Variants in ARHGAP6 observed in about 807,000 individuals in gnomAD.
ARHGAP6 encodes the protein rho GTPase-activating protein 6.
In ARHGAP6, 16 loss-of-function variants were observed where a neutral mutation model predicts 55.7. The ratio of observed to expected loss-of-function variants is 0.29; its 90% CI spans 0.19 to 0.44. The LOEUF (loss-of-function observed/expected upper bound fraction) is 0.44. ARHGAP6 is among the 20% of genes least tolerant of loss of function. The probability of loss-of-function intolerance (pLI) is 1.00; values close to 1 mark genes in which losing one functional copy is unlikely to be tolerated. For synonymous variants in ARHGAP6, 382 were observed against 360.9 expected (o/e 1.06, Z -0.66); for missense variants, 698 against 808.9 (o/e 0.86, Z 1.66).
chrX:11,485,037 CA>C (rs375351477), intron 1 of ARHGAP6, among the ~76,000 whole-genome samples: 18 of 105,545 alleles, frequency 1.7e-4, no homozygotes, highest in Non-Finnish European at 2.6e-4. Context: ...ACAACAACAA[CA>C]AAAAAAAAAC....
At chrX:11,639,919 C>T (rs2052457159) in intron 1 of ARHGAP6, among the ~76,000 whole-genome samples, 1 of 111,126 alleles carries the variant, frequency 9.0e-6, no homozygotes, top group Non-Finnish European at 1.9e-5. Flanking sequence ...TAAAAGCCTC[C>T]TTTCAAGCTT....
intron 1 of ARHGAP6, among the ~76,000 whole-genome samples, chrX:11,592,059 A>G (rs2051842047): frequency 8.9e-6 from 1 of 111,857 alleles, no homozygotes; most frequent in Non-Finnish European, 1.9e-5. Context: ...AAATAGGAGC[A>G]TGAGAAAGGG....
chrX:11,528,600 TGCTTTGAAA>T (rs1336242344), intron 1 of ARHGAP6, among the ~76,000 whole-genome samples: 7 of 112,198 alleles, frequency 6.2e-5, no homozygotes, highest in Non-Finnish European at 1.3e-4. Flanking sequence ...ATTCTTTGAA[TGCTTTGAAA>T]AGACCACAAT....
At chrX:11,609,051 A>G (rs181222335) in intron 1 of ARHGAP6, among the ~76,000 whole-genome samples, 241 of 111,826 alleles carry the variant, frequency 2.2e-3, no homozygotes, top group Non-Finnish European at 3.5e-3. Flanking sequence ...GAAAGACAGA[A>G]TGCCCCGCGA....
At chrX:11,370,623 T>C (rs1038493518) in intron 1 of ARHGAP6, among the ~76,000 whole-genome samples, 1 of 112,146 alleles carries the variant, frequency 8.9e-6, no homozygotes, top group Non-Finnish European at 1.9e-5. Context: ...AGTGACAATG[T>C]GCTATAGGTT....
At chrX:11,398,327 G>T (rs908930263) in intron 1 of ARHGAP6, among the ~76,000 whole-genome samples, 2 of 108,978 alleles carry the variant, frequency 1.8e-5, no homozygotes, top group Non-Finnish European at 3.8e-5. Flanking sequence ...TTTGCAGAGG[G>T]AGTAAGAGTT....
chrX:11,351,936 T>A (rs993022321), intron 1 of ARHGAP6, among the ~76,000 whole-genome samples: 2 of 112,583 alleles, frequency 1.8e-5, no homozygotes, highest in Non-Finnish European at 3.7e-5. Flanking sequence ...CTTCTGGAAA[T>A]ACTTGAGTGA....
At chrX:11,549,407 G>A (rs1258450592) in intron 1 of ARHGAP6, among the ~76,000 whole-genome samples, 2 of 111,843 alleles carry the variant, frequency 1.8e-5, no homozygotes, top group African/African-American at 3.2e-5. Flanking sequence ...TAACATCCAC[G>A]ATATAAAAAG....
intron 1 of ARHGAP6, among the ~76,000 whole-genome samples, chrX:11,638,352 A>G (rs978221444): frequency 1.8e-5 from 2 of 112,020 alleles, no homozygotes; most frequent in Non-Finnish European, 3.8e-5. Flanking sequence ...AAAGTTGTTT[A>G]CAAGTCAGCA....
intron 1 of ARHGAP6, among the ~76,000 whole-genome samples, chrX:11,463,672 T>C (rs1432012830): frequency 3.6e-5 from 4 of 112,033 alleles, no homozygotes; most frequent in Non-Finnish European, 7.5e-5. Context: ...CATGCTACAT[T>C]GCACTCATGA....
intron 1 of ARHGAP6, among the ~76,000 whole-genome samples, chrX:11,459,698 A>G (rs17281087): frequency 0.11 from 12,199 of 111,443 alleles, 620 homozygotes; most frequent in Admixed American, 0.2. Flanking sequence ...TAGCTTGCAT[A>G]TACTGAAATC....
chrX:11,484,096 G>T (rs1004949075), intron 1 of ARHGAP6, among the ~76,000 whole-genome samples: 1 of 111,684 alleles, frequency 9.0e-6, no homozygotes, highest in Non-Finnish European at 1.9e-5. Flanking sequence ...AGAGAATAAG[G>T]TATTCCAGGC....
chrX:11,574,872 G>T (rs1296674084), intron 1 of ARHGAP6, among the ~76,000 whole-genome samples: 1 of 111,535 alleles, frequency 9.0e-6, no homozygotes, highest in African/African-American at 3.3e-5. Flanking sequence ...AGCAACTTCA[G>T]CAAAGTCTCA....
At chrX:11,383,300 C>T (rs763131136) in intron 1 of ARHGAP6, among the ~76,000 whole-genome samples, 1 of 111,348 alleles carries the variant, frequency 9.0e-6, no homozygotes, top group African/African-American at 3.3e-5. Context: ...AGTGACTTGA[C>T]GAAACTCAGG....
In ARHGAP6 at chrX:11,138,588, T is replaced by C. The variant is rs1439969822; in HGVS notation, c.*275A>G. On this transcript the variant is annotated 3_prime_UTR_variant, in exon 13 of 13. Transcript: ENST00000337414. Reference sequence around the variant, plus strand: ...GCTATACCAAGCAAGAGTTGTATCTTATATTATAGAGCCAAGAGGGACGTT... The same window carrying C: ...GCTATACCAAGCAAGAGTTGTATCTCATATTATAGAGCCAAGAGGGACGTT... 7.7e-6 allele frequency: 3 copies of C among 389,686 alleles called. No individual in the cohort carries two copies. Among genetic ancestry groups the C allele is most frequent in the African/African-American group, 7.7e-5 (3 of 39,083 alleles). The allele number at this position is 389,686 out of a possible 1,213,427, so 32.1% of individuals were successfully genotyped here.
chrX:11,495,396 G>A (rs1456418068), intron 1 of ARHGAP6, among the ~76,000 whole-genome samples: 1 of 111,975 alleles, frequency 8.9e-6, no homozygotes, highest in Non-Finnish European at 1.9e-5. Context: ...GAGACTTGAC[G>A]GGACTTCTCC....
chrX:11,170,555 G>C (rs1416560567), intron 8 of ARHGAP6, among the ~76,000 whole-genome samples: 2 of 111,502 alleles, frequency 1.8e-5, no homozygotes, highest in African/African-American at 6.5e-5. Flanking sequence ...ATTTCAGGAA[G>C]AGCAATCTAT....
intron 2 of ARHGAP6, among the ~76,000 whole-genome samples, chrX:11,228,283 C>T (rs1172691160): frequency 2.7e-5 from 3 of 112,210 alleles, no homozygotes; most frequent in Non-Finnish European, 5.6e-5. Flanking sequence ...AAGCAAACTA[C>T]ATGACTGTTG....
At position 11,281,557 on chromosome X, in the gene ARHGAP6, G is replaced by T. The variant is rs1410604025; in HGVS notation, c.589-26850C>A. On this transcript the variant is annotated intron_variant, in intron 1 of 12. Transcript: ENST00000337414. Reference sequence around the variant, plus strand: ...GGGGTATCTATTCAGTGGAATTCTGGGCAGTCATGAAAAAAAGTGGAGTAG... The same window carrying T: ...GGGGTATCTATTCAGTGGAATTCTGTGCAGTCATGAAAAAAAGTGGAGTAG... Among the ~76,000 whole-genome samples, 4 of 111,069 alleles carry T rather than the reference G, an allele frequency of 3.6e-5. No individual in the cohort carries two copies. The East Asian group carries it at 1.1e-3, about 31-fold the overall frequency.
Sources: allele counts gnomAD v4.1 joint callset (sites outside exome capture counted in the v4.1 genomes callset), GRCh38; gene constraint gnomAD v4.1.1; transcripts MANE v1.5; gene names NCBI Gene and HGNC (gene_info 2026-07-23, HGNC 2026-07-21).